The following RNF216 variants were observed in gnomAD, a reference collection of about 807,000 sequenced individuals.
RNF216 encodes the protein E3 ubiquitin-protein ligase RNF216.
Under a neutral mutation model 110.8 loss-of-function variants are expected in RNF216, and 72 were observed. The ratio of observed to expected loss-of-function variants is 0.65; its 90% CI spans 0.54 to 0.79. RNF216 has a LOEUF of 0.79. RNF216 is among the 30% of genes least tolerant of loss of function. The pLI is 0.00. For synonymous variants in RNF216, 495 were observed against 407.5 expected, an observed-to-expected ratio of 1.21 and a Z score of -2.59; for missense variants, 1,342 against 1,141.2, an observed-to-expected ratio of 1.18 and a Z score of -2.54.
chr7:5,767,539 TC>T (rs1796268922), intron 1 of RNF216, among the ~76,000 whole-genome samples: 1 of 151,200 alleles, frequency 6.6e-6, no homozygotes, highest in African/African-American at 2.4e-5. Flanking sequence ...CTCCCCAAAA[TC>T]CAACAGCAGA....
intron 13 of RNF216, among the ~76,000 whole-genome samples, chr7:5,702,223 G>T (rs891006313): frequency 2.0e-5 from 3 of 152,192 alleles, no homozygotes; most frequent in African/African-American, 7.2e-5. Flanking sequence ...TGCAGAGGGA[G>T]TGGGAGTGGC....
intron 4 of RNF216, among the ~76,000 whole-genome samples, chr7:5,740,764 A>G (rs1341824662): frequency 6.6e-6 from 1 of 152,088 alleles, no homozygotes; most frequent in Non-Finnish European, 1.5e-5. Flanking sequence ...AATCCCAGAG[A>G]GCTTCCTGAA....
chr7:5,698,799 G>A (rs1440971451), intron 13 of RNF216, among the ~76,000 whole-genome samples: 1 of 152,126 alleles, frequency 6.6e-6, no homozygotes, highest in Non-Finnish European at 1.5e-5. Flanking sequence ...AACTACACAG[G>A]AAACCTTCCC....
chr7:5,731,340 G>A (rs1282832130), intron 5 of RNF216, among the ~76,000 whole-genome samples: 5 of 152,194 alleles, frequency 3.3e-5, no homozygotes, highest in African/African-American at 1.2e-4. Flanking sequence ...AGCTCTATGA[G>A]CCATTGAGTT....
intron 7 of RNF216, among the ~76,000 whole-genome samples, chr7:5,727,748 T>G (rs1002697110): frequency 1.3e-5 from 2 of 151,902 alleles, no homozygotes; most frequent in African/African-American, 4.8e-5. Context: ...ATAACCATGA[T>G]GATGATGATA....
intron 13 of RNF216, among the ~76,000 whole-genome samples, chr7:5,703,210 A>C (rs1255687604): frequency 6.6e-6 from 1 of 152,192 alleles, no homozygotes; most frequent in Non-Finnish European, 1.5e-5. Flanking sequence ...TCTTTTTGTT[A>C]CCCAGCTATT....
At chr7:5,758,754 A>T (rs1470941936) in intron 2 of RNF216, among the ~76,000 whole-genome samples, 2 of 152,166 alleles carry the variant, frequency 1.3e-5, no homozygotes, top group African/African-American at 4.8e-5. Context: ...GGGAATAATT[A>T]ACTTGTTTTT....
intron 2 of RNF216, among the ~76,000 whole-genome samples, chr7:5,753,196 A>G (rs1795426075): frequency 6.6e-6 from 1 of 152,170 alleles, no homozygotes; most frequent in Admixed American, 6.5e-5. Context: ...AACATCTAAC[A>G]ATTACTATGC....
chr7:5,741,163 G>A lies in RNF216; in HGVS notation c.854C>T (p.Ser285Leu), dbSNP rs141050143. The A allele has an allele frequency of 1.8e-3, 2,882 of 1,614,144 alleles. 11 individuals carry two copies. Among genetic ancestry groups the A allele is most frequent in the South Asian group, 4.0e-3 (362 of 91,082 alleles). The part of the protein sequence containing the change: ...PRPEPQQGGI[S>L]GPSSPQPAHP... ...GGCAGGCTGAGGAGAAGAGGGGCCT[G>A]AAATCCCACCTTGCTGGGGTTCCGG... The change falls in exon 4 of 17, where the codon TCA becomes TTA. Residue 285 changes from serine (S) to leucine (L), a missense_variant. Coordinates refer to ENST00000389902, the MANE Select transcript of RNF216 (RefSeq NM_207111.4).
intron 1 of RNF216, among the ~76,000 whole-genome samples, chr7:5,776,056 T>A (rs1796757095): frequency 6.6e-6 from 1 of 152,150 alleles, no homozygotes; most frequent in African/African-American, 2.4e-5. Flanking sequence ...CATCCTTTTG[T>A]AAGTCTGTAC....
intron 13 of RNF216, among the ~76,000 whole-genome samples, chr7:5,670,773 C>G (rs1403422371): frequency 6.6e-6 from 1 of 152,212 alleles, no homozygotes; most frequent in Admixed American, 6.5e-5. Context: ...GTGTTTTCAG[C>G]CTTAATCCAT....
At chr7:5,639,260 C>T (rs1228005102) in intron 15 of RNF216, among the ~76,000 whole-genome samples, 1 of 152,170 alleles carries the variant, frequency 6.6e-6, no homozygotes, top group Admixed American at 6.5e-5. Flanking sequence ...CCTTTTCAGA[C>T]AATGACCTCA....
intron 1 of RNF216, among the ~76,000 whole-genome samples, chr7:5,773,244 A>T (rs893874061): frequency 6.6e-6 from 1 of 151,554 alleles, no homozygotes. Context: ...TCCCCAAATA[A>T]GATTTTTTTT....
chr7:5,624,283 T>C lies in RNF216; in HGVS notation c.2383-158A>G, dbSNP rs948971606. ...TGGGCTGCACACCGTTCCTTCCTATTTCCCCGAAGGCCTCCTTCCTTCATC... is the reference window on the plus strand; with the variant it reads ...TGGGCTGCACACCGTTCCTTCCTATCTCCCCGAAGGCCTCCTTCCTTCATC... On this transcript the variant is annotated intron_variant, in intron 15 of 16. Transcript: ENST00000389902. The surrounding 1 kb of genome is among the most constrained non-coding windows in gnomAD (Gnocchi z 4.4). 6.6e-6 allele frequency among the ~76,000 whole-genome samples: 1 copy of C among 152,164 alleles called. No homozygotes were observed. The highest frequency in any genetic ancestry group is 2.4e-5 in the African/African-American group (1 of 41,456).
At chr7:5,623,212 C>T in intron 16 of RNF216, 33 bp from the exon 17 acceptor site, 1 of 1,522,120 alleles carries the variant, frequency 6.6e-7, no homozygotes, top group Non-Finnish European at 8.9e-7. Flanking sequence ...TGGAGAAAAA[C>T]ATTAAACCAA....
chr7:5,671,393 G>GTGAAA, intron 13 of RNF216, among the ~76,000 whole-genome samples: 1 of 152,210 alleles, frequency 6.6e-6, no homozygotes, highest in South Asian at 2.1e-4. Flanking sequence ...CATATGTGAA[G>GTGAAA]CCCTCAACTC....
At chr7:5,657,110 C>T (rs1442561693) in intron 13 of RNF216, among the ~76,000 whole-genome samples, 1 of 152,260 alleles carries the variant, frequency 6.6e-6, no homozygotes, top group Non-Finnish European at 1.5e-5. Flanking sequence ...AGAAGCAGAA[C>T]AAAGTACAAA....
chr7:5,685,312 C>A (rs952232259), intron 13 of RNF216, among the ~76,000 whole-genome samples: 4 of 152,176 alleles, frequency 2.6e-5, no homozygotes, highest in African/African-American at 9.7e-5. Flanking sequence ...TTCAGAATTC[C>A]ATGAATAAAA....
intron 3 of RNF216, among the ~76,000 whole-genome samples, chr7:5,745,846 A>C (rs1010190883): frequency 2.7e-5 from 4 of 149,468 alleles, no homozygotes; most frequent in Non-Finnish European, 4.4e-5. Flanking sequence ...CAGTGAGCCG[A>C]GATCAGGCCA....
Sources: allele counts gnomAD v4.1 joint callset (sites outside exome capture counted in the v4.1 genomes callset), GRCh38; gene constraint gnomAD v4.1.1; non-coding constraint Gnocchi (gnomAD v3.1); transcripts MANE v1.5; gene names NCBI Gene and HGNC (gene_info 2026-07-23, HGNC 2026-07-21).